The following TC2N variants were observed in gnomAD, a reference collection of about 807,000 sequenced individuals.
TC2N encodes the protein tandem C2 domains nuclear protein.
Under a neutral mutation model 61.9 loss-of-function variants are expected in TC2N, and 51 were observed. The observed-to-expected ratio is 0.82, with a 90% CI of 0.66 to 1.04. TC2N has a LOEUF of 1.04. Among genes scored for constraint, TC2N ranks in the 50% least tolerant of loss-of-function variants. The pLI, the probability that TC2N is intolerant of heterozygous loss-of-function variation, is 0.00. For missense variants in TC2N, 556 were observed against 566.7 expected (o/e 0.98, Z 0.19); for synonymous variants, 204 against 192.6 (o/e 1.06, Z -0.49).
rs529343361 is a variant in TC2N, at chr14:91,848,605, G to T, written c.-57+18657C>A. ...AGAAAAACCTCCTGACATATGTAAG[G>T]GTTGGTGTCATTATTTTTCCCATTT... On this transcript the variant is annotated intron_variant, in intron 1 of 11. Transcript: ENST00000435962. 8.3e-4 allele frequency among the ~76,000 whole-genome samples: 127 copies of T among 152,244 alleles called. 3 individuals carry two copies. In the South Asian group the frequency reaches 0.025, roughly 30 times the overall value.
At chr14:91,809,055 A>C (rs1268691373) in intron 3 of TC2N, among the ~76,000 whole-genome samples, 1 of 152,212 alleles carries the variant, frequency 6.6e-6, no homozygotes, top group African/African-American at 2.4e-5. Context: ...GAGAAACACT[A>C]TTGATATGCG....
chr14:91,791,207 A>AGAGGG (rs1397962447), intron 9 of TC2N, among the ~76,000 whole-genome samples: 6 of 29,076 alleles, frequency 2.1e-4, no homozygotes, highest in Admixed American at 4.8e-4. Context: ...GGAGGGGAGA[A>AGAGGG]GAGGGGAGGG....
chr14:91,783,586 A>C (rs1279563833), intron 11 of TC2N, among the ~76,000 whole-genome samples: 1 of 152,114 alleles, frequency 6.6e-6, no homozygotes, highest in Non-Finnish European at 1.5e-5. Context: ...ACTGAGGCTA[A>C]TCATGATTCA....
intron 1 of TC2N, among the ~76,000 whole-genome samples, chr14:91,845,179 G>A (rs563004804): frequency 3.9e-5 from 6 of 151,924 alleles, no homozygotes; most frequent in Non-Finnish European, 8.8e-5. Context: ...AGTAAGCAGA[G>A]ATGGTGCCAC....
At position 91,812,312 on chromosome 14, in the gene TC2N, C is replaced by T. The variant is rs1351109805; in HGVS notation, c.301G>A (p.Gly101Arg). ...ETPSHLEELE[G>R]SARASFGDRK... Reference sequence around the variant, plus strand: ...TAAATACTGCTATTTTATTGTTTACCTTCAAGTTCTTCCAGATGTGAAGGA... The same window carrying T: ...TAAATACTGCTATTTTATTGTTTACTTTCAAGTTCTTCCAGATGTGAAGGA... The change falls in exon 3 of 12, where the codon GGA becomes AGA. Residue 101 changes from glycine (G) to arginine (R), a missense_variant and splice_region_variant. Gly to Arg is a moderately radical substitution (Grantham distance 125). Transcript: ENST00000435962. 1.3e-6 allele frequency: 2 copies of T among 1,568,518 alleles called. No homozygotes were observed. The highest frequency in any genetic ancestry group is 3.4e-5 in the Admixed American group (2 of 58,866).
At chr14:91,793,018 A>G (rs564349562) in intron 8 of TC2N, among the ~76,000 whole-genome samples, 85 of 152,306 alleles carry the variant, frequency 5.6e-4, no homozygotes, top group African/African-American at 1.9e-3. Context: ...TTTTGTCTAA[A>G]GAATCTTCCC....
rs181348173 is a variant in TC2N at position 91,812,683 on chromosome 14, A to G, written c.68-138T>C. ...ATAAACTACTCTTGGGTCTTACCAA[A>G]CACTTCTGGAATCTACATTAATTTT... On this transcript the variant is annotated intron_variant, in intron 2 of 11. Coordinates refer to ENST00000435962, the MANE Select transcript of TC2N (RefSeq NM_001128596.3). 3.8e-3 allele frequency: 1,985 copies of G among 527,814 alleles called. 12 individuals carry two copies. Among genetic ancestry groups the G allele is most frequent in the Non-Finnish European group, 5.6e-3 (1,646 of 295,474 alleles). The allele number at this position is 527,814 out of a possible 1,614,324, so 32.7% of individuals were successfully genotyped here.
At chr14:91,836,625 C>CAAGGCGGGGAGGGGCGAGGCAAGGCGGGG (rs1368982281) in intron 1 of TC2N, 1 of 133,730 alleles carries the variant, frequency 7.5e-6, no homozygotes, top group Non-Finnish European at 1.6e-5. Flanking sequence ...AGGGGCGAGG[C>CAAGGCGGGGAGGGGCGAGGCAAGGCGGGG]AGGGCGGGGC....
chr14:91,796,522 T>C (rs1885904243), intron 8 of TC2N, among the ~76,000 whole-genome samples: 1 of 152,074 alleles, frequency 6.6e-6, no homozygotes, highest in Non-Finnish European at 1.5e-5. Flanking sequence ...TCACTGTAGA[T>C]GTGATCAGTG....
intron 3 of TC2N, among the ~76,000 whole-genome samples, chr14:91,810,967 A>C (rs779615850): frequency 7.2e-5 from 11 of 152,134 alleles, no homozygotes; most frequent in Non-Finnish European, 1.3e-4. Flanking sequence ...ATAAGACAAA[A>C]AATATTTGGA....
chr14:91,821,242 G>A (rs1328499409), intron 1 of TC2N, among the ~76,000 whole-genome samples: 1 of 151,782 alleles, frequency 6.6e-6, no homozygotes, highest in African/African-American at 2.4e-5. Flanking sequence ...CTAGTCATCA[G>A]GACAATATAA....
chr14:91,816,697 T>C (rs1438664806), intron 1 of TC2N, among the ~76,000 whole-genome samples: 1 of 151,952 alleles, frequency 6.6e-6, no homozygotes, highest in Non-Finnish European at 1.5e-5. Context: ...CATCCTGTTA[T>C]ACAGTATGAG....
intron 1 of TC2N, among the ~76,000 whole-genome samples, chr14:91,827,098 C>T (rs994407058): frequency 6.6e-6 from 1 of 152,024 alleles, no homozygotes; most frequent in African/African-American, 2.4e-5. Flanking sequence ...GAATTTAAAC[C>T]TATATTTTAT....
chr14:91,785,415 G>C, intron 10 of TC2N, 54 bp from the exon 11 acceptor site: 1 of 1,359,162 alleles, frequency 7.4e-7, no homozygotes, highest in Admixed American at 1.7e-5. Context: ...ACCATATAAA[G>C]ATGTGTATAT....
At chr14:91,794,898 A>G (rs930059612) in intron 8 of TC2N, among the ~76,000 whole-genome samples, 1 of 152,216 alleles carries the variant, frequency 6.6e-6, no homozygotes. Context: ...GGGCAAAAGC[A>G]ATTGAAAACT....
intron 1 of TC2N, among the ~76,000 whole-genome samples, chr14:91,845,232 AAAAT>A (rs3030732): frequency 0.16 from 24,226 of 146,950 alleles, 2,161 homozygotes; most frequent in South Asian, 0.23. Context: ...ACTCCATCTC[AAAAT>A]AAATAAATAA....
At chr14:91,816,101 T>A (rs1001568086) in intron 1 of TC2N, among the ~76,000 whole-genome samples, 3 of 151,822 alleles carry the variant, frequency 2.0e-5, no homozygotes, top group African/African-American at 7.2e-5. Flanking sequence ...TGCACACATA[T>A]TTCTCAGATA....
intron 10 of TC2N, among the ~76,000 whole-genome samples, chr14:91,786,317 G>A (rs974833143): frequency 3.3e-5 from 5 of 152,176 alleles, no homozygotes; most frequent in Middle Eastern, 3.2e-3. Flanking sequence ...TATCTACACA[G>A]GTGACATTAG....
chr14:91,785,477 A>G (rs138138005), intron 10 of TC2N, 116 bp from the exon 11 acceptor site: 10 of 710,040 alleles, frequency 1.4e-5, no homozygotes, highest in African/African-American at 3.6e-5. Context: ...AAAAATATAG[A>G]TAAGTCACTT....
Sources: gnomAD v4.1 joint callset for allele counts (sites outside exome capture counted in the v4.1 genomes callset) on GRCh38, gnomAD v4.1.1 for gene constraint, MANE v1.5 for transcripts, NCBI Gene and HGNC (gene_info 2026-07-23, HGNC 2026-07-21) for gene names.